Variants in TMPRSS12 observed in about 807,000 individuals in gnomAD.
TMPRSS12 encodes the protein transmembrane protease serine 12.
In TMPRSS12, 25 loss-of-function variants were observed where a neutral mutation model predicts 26.0. The ratio of observed to expected loss-of-function variants is 0.96; its 90% confidence interval spans 0.70 to 1.34. The LOEUF (loss-of-function observed/expected upper bound fraction) is 1.34, where lower values mean the gene tolerates loss of function less well. TMPRSS12 is among the 40% of genes most tolerant of loss of function. The pLI is 0.00. For missense variants in TMPRSS12, 441 were observed against 440.1 expected (o/e 1.00, Z -0.02); for synonymous variants, 150 against 161.7 (o/e 0.93, Z 0.55).
At chr12:50,866,922 A>C (rs866135262) in intron 3 of TMPRSS12, among the ~76,000 whole-genome samples, 1 of 152,226 alleles carries the variant, frequency 6.6e-6, no homozygotes, top group South Asian at 2.1e-4. Context: ...CACATCCATA[A>C]GAAAGGTGGG....
At chr12:50,862,453 A>C (rs1937946175) in intron 3 of TMPRSS12, among the ~76,000 whole-genome samples, 1 of 152,178 alleles carries the variant, frequency 6.6e-6, no homozygotes, top group Non-Finnish European at 1.5e-5. Context: ...GGAAGTAGGG[A>C]AGACACTCCC....
intron 3 of TMPRSS12, among the ~76,000 whole-genome samples, chr12:50,882,407 A>G (rs937319204): frequency 1.3e-5 from 2 of 151,930 alleles, no homozygotes; most frequent in African/African-American, 4.8e-5. Flanking sequence ...ACCCATAGAA[A>G]GCAGAAAAAA....
At chr12:50,871,565 C>T (rs1029039450) in intron 3 of TMPRSS12, among the ~76,000 whole-genome samples, 1 of 152,096 alleles carries the variant, frequency 6.6e-6, no homozygotes, top group African/African-American at 2.4e-5. Context: ...AAGCCAAAAG[C>T]AAACGCAATA....
chr12:50,868,042 G>A (rs1196566607), intron 3 of TMPRSS12, among the ~76,000 whole-genome samples: 2 of 152,076 alleles, frequency 1.3e-5, no homozygotes, highest in African/African-American at 4.8e-5. Context: ...AAATCTCACA[G>A]GACCTATAAA....
Position 50,885,539 on chromosome 12 carries a change from A to C in TMPRSS12, c.795+151A>C, listed in dbSNP as rs1452567779. Reference sequence around the variant, plus strand: ...CCTTTTTAACTATTTCAACAATCCAAATCTTCTTGGTTCCTGATTCCATGG... The same window carrying C: ...CCTTTTTAACTATTTCAACAATCCACATCTTCTTGGTTCCTGATTCCATGG... On this transcript the variant is annotated intron_variant, in intron 4 of 4. Coordinates refer to ENST00000398458, the MANE Select transcript of TMPRSS12 (RefSeq NM_182559.3). The C allele has an allele frequency of 3.1e-6, 3 of 955,638 alleles. No homozygotes were observed. In the African/African-American group the frequency reaches 4.9e-5, roughly 16 times the overall value. 59.2% of individuals were successfully genotyped at this position (955,638 alleles called of 1,614,324 possible). A position where few individuals can be genotyped will look rare whatever the true frequency, so the allele number is the denominator to read the frequency against.
intron 3 of TMPRSS12, among the ~76,000 whole-genome samples, chr12:50,862,964 G>C (rs946966165): frequency 7.9e-5 from 12 of 152,086 alleles, no homozygotes; most frequent in African/African-American, 2.7e-4. Context: ...GGGCTGAGGT[G>C]GGAGGACTGC....
At chr12:50,850,705 C>T (rs1359327121) in intron 2 of TMPRSS12, among the ~76,000 whole-genome samples, 1 of 152,224 alleles carries the variant, frequency 6.6e-6, no homozygotes, top group African/African-American at 2.4e-5. Flanking sequence ...CACACATGGA[C>T]CCAGCTGCAC....
At position 50,844,003 on chromosome 12, in the gene TMPRSS12, G is replaced by A. The variant is rs755204836; in HGVS notation, c.349G>A (p.Val117Ile). 1.0e-5 allele frequency: 16 copies of A among 1,601,196 alleles called. 1 individual carries two copies. In the South Asian group the frequency reaches 1.6e-4, roughly 16 times the overall value. ...CGGTLVRERW[V>I]LTAAHCTKDA... is the part of the protein sequence containing the mutation. ...GGGAACCCTAGTGAGAGAGAGGTGG[G>A]TCCTCACAGCTGCCCACTGCACTAA... Residue 117 changes from valine to isoleucine, a missense_variant, in exon 2 of 5, where the codon GTC (valine) becomes ATC (isoleucine). Coordinates refer to ENST00000398458, the MANE Select transcript of TMPRSS12 (RefSeq NM_182559.3).
intron 3 of TMPRSS12, among the ~76,000 whole-genome samples, chr12:50,870,966 C>G (rs1055645741): frequency 1.3e-4 from 19 of 151,786 alleles, no homozygotes; most frequent in African/African-American, 4.6e-4. Context: ...CAAATGGAAA[C>G]ACATCCCATG....
At chr12:50,869,743 A>G (rs1938024277) in intron 3 of TMPRSS12, among the ~76,000 whole-genome samples, 1 of 152,136 alleles carries the variant, frequency 6.6e-6, no homozygotes. Flanking sequence ...AGGTGCTAAA[A>G]CCCATAACAA....
intron 3 of TMPRSS12, among the ~76,000 whole-genome samples, chr12:50,865,405 C>T (rs1217883154): frequency 2.0e-5 from 3 of 151,938 alleles, no homozygotes; most frequent in Non-Finnish European, 4.4e-5. Context: ...GATTTGTGAA[C>T]CAGAAGATAT....
chr12:50,878,570 C>A (rs536834471), intron 3 of TMPRSS12, among the ~76,000 whole-genome samples: 1 of 152,094 alleles, frequency 6.6e-6, no homozygotes, highest in South Asian at 2.1e-4. Context: ...CACAATGAGA[C>A]CATCTCTAAA....
intron 3 of TMPRSS12, among the ~76,000 whole-genome samples, chr12:50,862,356 C>T (rs758392085): frequency 5.3e-5 from 8 of 151,996 alleles, no homozygotes; most frequent in Non-Finnish European, 1.0e-4. Context: ...TGAGGGTATT[C>T]GCCAAAATGT....
chr12:50,886,428 T>C (rs1487542619), intron 4 of TMPRSS12: 1 of 152,220 alleles, frequency 6.6e-6, no homozygotes, highest in Non-Finnish European at 1.5e-5. Flanking sequence ...CTCTCACCTT[T>C]TCCTACTCAT....
intron 2 of TMPRSS12, among the ~76,000 whole-genome samples, chr12:50,852,585 AT>A (rs1419954924): frequency 6.6e-6 from 1 of 152,040 alleles, no homozygotes; most frequent in Non-Finnish European, 1.5e-5. Flanking sequence ...TAATTTTTGT[AT>A]TTTTAGTAGA....
intron 1 of TMPRSS12, 62 bp downstream of exon 1, chr12:50,843,213 C>G (rs1235848168): frequency 7.0e-7 from 1 of 1,433,312 alleles, no homozygotes. Flanking sequence ...CCGCTATAGT[C>G]TTTGAATTCG....
intron 1 of TMPRSS12, 134 bp downstream of exon 1, chr12:50,843,285 T>C: frequency 1.2e-6 from 1 of 806,590 alleles, no homozygotes; most frequent in Non-Finnish European, 1.8e-6. Flanking sequence ...CTAAGCAGTT[T>C]CTAGACCGGC....
Position 50,846,196 on chromosome 12 carries a change from G to A in TMPRSS12, c.383+2159G>A, listed in dbSNP as rs185807106. Among the ~76,000 whole-genome samples the A allele has an allele frequency of 2.0e-4, 31 of 152,122 alleles. No individual in the cohort carries two copies. The East Asian group carries it at 4.6e-3, about 23-fold the overall frequency. ...GTTGCCTGTGTTTCTGGTGTAATAT[G>A]TAAGAAATCATTATATCAAATCCAG... is the stretch of plus-strand genomic sequence containing the variant. On this transcript the variant is annotated intron_variant, in intron 2 of 4. Transcript: ENST00000398458.
At chr12:50,857,788 T>TTTGTTGTTGTTGTTGTCG (rs1937893073) in intron 2 of TMPRSS12, among the ~76,000 whole-genome samples, 1 of 147,542 alleles carries the variant, frequency 6.8e-6, no homozygotes, top group Non-Finnish European at 1.5e-5. Flanking sequence ...GGTTTAGTTT[T>TTTGTTGTTGTTGTTGTCG]TTGTTGTTGT....
Sources: allele counts gnomAD v4.1 joint callset (sites outside exome capture counted in the v4.1 genomes callset), GRCh38; gene constraint gnomAD v4.1.1; transcripts MANE v1.5; gene names NCBI Gene and HGNC (gene_info 2026-07-23, HGNC 2026-07-21).